The following NPLOC4 variants were observed in gnomAD, a reference collection of about 807,000 sequenced individuals.
NPLOC4 encodes NPL4 homolog, ubiquitin recognition factor.
A neutral mutation model predicts 80.6 loss-of-function variants in NPLOC4; 18 were observed. That is an observed-to-expected ratio of 0.22 (90% CI 0.15 to 0.33). The LOEUF (loss-of-function observed/expected upper bound fraction) is 0.33. Ranked by LOEUF, NPLOC4 falls within the 10% of genes least tolerant of loss-of-function variation. The probability of loss-of-function intolerance (pLI) is 1.00; values close to 1 mark genes in which losing one functional copy is unlikely to be tolerated. For synonymous variants in NPLOC4, 313 were observed against 301.5 expected, an observed-to-expected ratio of 1.04 and a Z score of -0.39; for missense variants, 540 against 786.1, an observed-to-expected ratio of 0.69 and a Z score of 3.74.
At chr17:81,624,792 C>T (rs2035756046) in intron 2 of NPLOC4, among the ~76,000 whole-genome samples, 2 of 152,136 alleles carry the variant, frequency 1.3e-5, no homozygotes. Flanking sequence ...AAGCCCGCCA[C>T]ACGCGAGCTG....
chr17:81,623,809 C>A (rs61586425), intron 2 of NPLOC4, among the ~76,000 whole-genome samples: 954 of 48,690 alleles, frequency 0.02, 9 homozygotes, highest in East Asian at 0.099. Flanking sequence ...AAAAAAAAAA[C>A]AAAACTCAAT....
At chr17:81,606,207 A>C (rs1392038063) in intron 7 of NPLOC4, among the ~76,000 whole-genome samples, 1 of 152,140 alleles carries the variant, frequency 6.6e-6, no homozygotes, top group Admixed American at 6.6e-5. Context: ...ATTCTCTCTA[A>C]GGAGCCGTTT....
intron 12 of NPLOC4, among the ~76,000 whole-genome samples, chr17:81,585,304 T>G (rs2034548626): frequency 6.6e-6 from 1 of 151,620 alleles, no homozygotes; most frequent in Non-Finnish European, 1.5e-5. Context: ...CATCAAAGAT[T>G]AAAAGGGAAA....
At position 81,624,955 on chromosome 17, in the gene NPLOC4, G is replaced by A. The variant is rs185276000; in HGVS notation, c.97-2677C>T. Among the ~76,000 whole-genome samples, 111 of 152,328 alleles carry A rather than the reference G, an allele frequency of 7.3e-4. 1 individual carries two copies. The highest frequency in any genetic ancestry group is 2.3e-3 in the African/African-American group (97 of 41,588). On this transcript the variant is annotated intron_variant, in intron 2 of 16. Coordinates refer to ENST00000331134, the MANE Select transcript of NPLOC4 (RefSeq NM_017921.4). The stretch of plus-strand genomic sequence containing the variant: ...CAGGGCCGTGGGAAGCCACACAGAC[G>A]AAAGGCAGGGGGAATCATCATCCAC...
chr17:81,613,674 A>AAAGACCAGTATGCAGGCATTAT (rs2035401143), intron 3 of NPLOC4, among the ~76,000 whole-genome samples, 180 bp from the exon 4 acceptor site: 1 of 152,192 alleles, frequency 6.6e-6, no homozygotes, highest in African/African-American at 2.4e-5. Context: ...CTGGCATTAT[A>AAAGACCAGTATGCAGGCATTAT]AAGACCAGTA....
chr17:81,593,664 A>G (rs1156733932), intron 11 of NPLOC4, among the ~76,000 whole-genome samples: 2 of 151,898 alleles, frequency 1.3e-5, no homozygotes, highest in Non-Finnish European at 2.9e-5. Flanking sequence ...ATCAGCCTAC[A>G]TGTGGCAGGG....
chr17:81,616,433 A>G (rs921029763), intron 3 of NPLOC4, among the ~76,000 whole-genome samples: 2 of 152,040 alleles, frequency 1.3e-5, no homozygotes, highest in African/African-American at 2.4e-5. Context: ...ATCCAAATGT[A>G]GAAGAGTAAC....
chr17:81,601,779 A>C (rs994496374), intron 8 of NPLOC4, among the ~76,000 whole-genome samples: 1 of 152,214 alleles, frequency 6.6e-6, no homozygotes, highest in African/African-American at 2.4e-5. Flanking sequence ...CTATACAAAG[A>C]TACCAAAAAT....
At chr17:81,608,958 G>C (rs967600000) in intron 5 of NPLOC4, 136 bp from the exon 6 acceptor site, 5 of 613,072 alleles carry the variant, frequency 8.2e-6, no homozygotes, top group African/African-American at 7.4e-5. Context: ...CAGGTACTAG[G>C]GTCTCCCTTA....
chr17:81,567,245 G>C lies in NPLOC4; in HGVS notation c.1566+172C>G, dbSNP rs1170491500. ...TCTATCAACAAGCTTCTTGTGAAAA[G>C]CTGCTGCCTACACTCTGCCCATAGG... On this transcript the variant is annotated intron_variant, in intron 15 of 16. Coordinates refer to ENST00000331134, the MANE Select transcript of NPLOC4 (RefSeq NM_017921.4). The surrounding 1 kb of genome is among the most constrained non-coding windows in gnomAD (Gnocchi z 4.5). Among the ~76,000 whole-genome samples the C allele has an allele frequency of 6.6e-6, 1 of 152,214 alleles. No homozygotes were observed. The highest frequency in any genetic ancestry group is 1.5e-5 in the Non-Finnish European group (1 of 68,038).
At chr17:81,574,255 T>C (rs963370941) in intron 12 of NPLOC4, among the ~76,000 whole-genome samples, 1 of 152,230 alleles carries the variant, frequency 6.6e-6, no homozygotes, top group Non-Finnish European at 1.5e-5. Flanking sequence ...TCTCCCCCTC[T>C]AGGGATTTTT....
At chr17:81,621,045 G>C (rs1464413557) in intron 3 of NPLOC4, among the ~76,000 whole-genome samples, 6 of 144,698 alleles carry the variant, frequency 4.1e-5, no homozygotes, top group Non-Finnish European at 7.6e-5. Context: ...GAAAGGAAAA[G>C]GAAAAGAAAG....
At position 81,567,824 on chromosome 17, in the gene NPLOC4, TA is replaced by T; in HGVS notation, c.1450-292del. ...TGGCCAGGTGTGGAGGCTAACACAGTAATTCCAGCACTTTTTAGGAGGCCGA... is the reference window on the plus strand; with the variant it reads ...TGGCCAGGTGTGGAGGCTAACACAGTATTCCAGCACTTTTTAGGAGGCCGA... On this transcript the variant is annotated intron_variant, in intron 14 of 16. Transcript: ENST00000331134. This position sits in a 1 kb window ranked among gnomAD's most constrained non-coding sequence, Gnocchi z 4.5. 2 of 288,986 alleles carry T rather than the reference TA, an allele frequency of 6.9e-6. No individual in the cohort carries two copies. Among genetic ancestry groups the T allele is most frequent in the South Asian group, 9.1e-5 (2 of 21,862 alleles). 17.9% of individuals were successfully genotyped at this position (288,986 alleles called of 1,614,324 possible).
chr17:81,569,207 C>T (rs780855954), intron 13 of NPLOC4, 96 bp from the exon 14 acceptor site: 85 of 728,692 alleles, frequency 1.2e-4, no homozygotes, highest in Non-Finnish European at 1.9e-4. Flanking sequence ...CCCAAATTAA[C>T]GACTCCTAGC....
Position 81,567,609 on chromosome 17 carries a change from C to A in NPLOC4, c.1450-76G>T. On this transcript the variant is annotated intron_variant, in intron 14 of 16. Transcript: ENST00000331134. The surrounding 1 kb of genome is among the most constrained non-coding windows in gnomAD (Gnocchi z 4.5). ...GACCCCGAAACAGAGCTGTTTCCTA[C>A]TAAGACGCAACTCAATACACTGAAT... is the stretch of plus-strand genomic sequence containing the variant. 1.2e-6 allele frequency: 1 copy of A among 856,710 alleles called. No homozygotes were observed. Among genetic ancestry groups the A allele is most frequent in the Non-Finnish European group, 1.9e-6 (1 of 519,644 alleles). 53.1% of individuals were successfully genotyped at this position (856,710 alleles called of 1,614,324 possible).
intron 15 of NPLOC4, among the ~76,000 whole-genome samples, 178 bp from the exon 16 acceptor site, chr17:81,565,785 T>G (rs1229155160): frequency 1.3e-5 from 2 of 152,250 alleles, no homozygotes; most frequent in Non-Finnish European, 2.9e-5. Context: ...ACGCAAGTGC[T>G]AAATTGAACT....
chr17:81,576,717 T>C (rs2034312902), intron 12 of NPLOC4, among the ~76,000 whole-genome samples: 1 of 152,156 alleles, frequency 6.6e-6, no homozygotes, highest in Non-Finnish European at 1.5e-5. Context: ...CCAAAAATGA[T>C]GAATCACTTT....
intron 11 of NPLOC4, among the ~76,000 whole-genome samples, chr17:81,593,959 C>T (rs1228266847): frequency 1.3e-5 from 2 of 152,054 alleles, no homozygotes; most frequent in African/African-American, 4.8e-5. Flanking sequence ...AGCACTCAAC[C>T]CAAGCAACAA....
intron 13 of NPLOC4, among the ~76,000 whole-genome samples, chr17:81,569,690 C>T (rs2034107884): frequency 6.6e-6 from 1 of 152,168 alleles, no homozygotes; most frequent in South Asian, 2.1e-4. Context: ...ATGTAAGGCC[C>T]TTGAGGAACA....
Sources: allele counts gnomAD v4.1 joint callset (sites outside exome capture counted in the v4.1 genomes callset), GRCh38; gene constraint gnomAD v4.1.1; non-coding constraint Gnocchi (gnomAD v3.1); transcripts MANE v1.5; gene names NCBI Gene and HGNC (gene_info 2026-07-23, HGNC 2026-07-21).